Variants in DENND1A observed in about 807,000 individuals in gnomAD.
DENND1A encodes DENN domain-containing protein 1A.
DENND1A carries 51 observed loss-of-function variants against 113.7 expected under a neutral mutation model. The observed-to-expected ratio is 0.45, with a 90% CI of 0.36 to 0.57. The LOEUF (loss-of-function observed/expected upper bound fraction) is 0.57. DENND1A is among the 20% of genes least tolerant of loss of function. DENND1A has a pLI of 0.00. For missense variants in DENND1A, 1,258 were observed against 1,395.9 expected (o/e 0.90, Z 1.57); for synonymous variants, 565 against 570.8 (o/e 0.99, Z 0.14).
At chr9:123,709,408 T>C (rs2066440008) in intron 5 of DENND1A, among the ~76,000 whole-genome samples, 2 of 152,202 alleles carry the variant, frequency 1.3e-5, no homozygotes, top group Non-Finnish European at 2.9e-5. Context: ...ACACATTCTC[T>C]TGCCTCATTT....
At chr9:123,597,544 A>G (rs1431021682) in intron 11 of DENND1A, among the ~76,000 whole-genome samples, 1 of 152,160 alleles carries the variant, frequency 6.6e-6, no homozygotes, top group Non-Finnish European at 1.5e-5. Context: ...AGCACCCAAA[A>G]GGTCTGCAGA....
chr9:123,511,220 C>G (rs1484483394), intron 13 of DENND1A, among the ~76,000 whole-genome samples: 3 of 152,188 alleles, frequency 2.0e-5, no homozygotes. Flanking sequence ...GTTAAGGGCT[C>G]AGATGTCTGA....
chr9:123,444,879 G>T (rs1160584850), intron 18 of DENND1A, among the ~76,000 whole-genome samples: 2 of 152,172 alleles, frequency 1.3e-5, no homozygotes, highest in Non-Finnish European at 2.9e-5. Flanking sequence ...GGTTAAACCT[G>T]CTTCTTCCCG....
chr9:123,879,348 T>C (rs1847986145), intron 1 of DENND1A, among the ~76,000 whole-genome samples: 1 of 151,740 alleles, frequency 6.6e-6, no homozygotes, highest in South Asian at 2.1e-4. Context: ...GCCTGGGCAA[T>C]ATAGCAAAAC....
intron 19 of DENND1A, chr9:123,414,492 G>C: frequency 6.5e-7 from 1 of 1,538,444 alleles, no homozygotes. Flanking sequence ...ACCATCCTGG[G>C]AGACGCATTG....
chr9:123,825,690 G>T (rs1590242771), intron 2 of DENND1A, among the ~76,000 whole-genome samples: 1 of 152,234 alleles, frequency 6.6e-6, no homozygotes, highest in African/African-American at 2.4e-5. Context: ...ATGGTAAATT[G>T]TATCTAATTC....
In DENND1A at chr9:123,383,667, G is replaced by T. The variant is rs1049322400; in HGVS notation, c.2007C>A (p.Thr669=). ...APKDLREQPG[T]FDYQRLDLGG... The stretch of plus-strand genomic sequence containing the variant: ...GCCCATGCCATACCTGATAGTCAAA[G>T]GTCCCTGGCTGCTCCCTCAGGTCTT... Residue 669 remains threonine (T), a synonymous_variant, in exon 23 of 24, where the codon ACC becomes ACA. Transcript: ENST00000394215. 16 of 1,613,496 alleles carry T rather than the reference G, an allele frequency of 9.9e-6. No homozygotes were observed. Among genetic ancestry groups the T allele is most frequent in the Non-Finnish European group, 1.4e-5 (16 of 1,179,670 alleles).
At chr9:123,550,009 T>C (rs1421941075) in intron 13 of DENND1A, among the ~76,000 whole-genome samples, 3 of 152,222 alleles carry the variant, frequency 2.0e-5, no homozygotes, top group African/African-American at 4.8e-5. Context: ...CACAGATATA[T>C]GTGGTGTTTT....
chr9:123,882,394 C>T (rs1423298166), intron 1 of DENND1A, among the ~76,000 whole-genome samples: 2 of 151,924 alleles, frequency 1.3e-5, no homozygotes, highest in African/African-American at 4.8e-5. Context: ...TATTTTTCTC[C>T]CTCAAACCTG....
chr9:123,892,201 G>A (rs1850014401), intron 1 of DENND1A, among the ~76,000 whole-genome samples: 1 of 152,204 alleles, frequency 6.6e-6, no homozygotes, highest in Non-Finnish European at 1.5e-5. Flanking sequence ...TGCAGTAGCT[G>A]GTACTCACAC....
intron 13 of DENND1A, among the ~76,000 whole-genome samples, chr9:123,470,791 C>G (rs2049350338): frequency 6.6e-6 from 1 of 152,222 alleles, no homozygotes; most frequent in Admixed American, 6.5e-5. Flanking sequence ...CTCTGTGGCA[C>G]TGTCCACATG....
Position 123,457,454 on chromosome 9 carries a change from A to G in DENND1A, c.1099-19T>C. ...CAATAAACTATAGAAAGAAGGAACA[A>G]AAGCACAACAGCTCGTACAAAGAAA... is the stretch of plus-strand genomic sequence containing the variant. On this transcript the variant is annotated intron_variant, in intron 14 of 23. Coordinates refer to ENST00000394215, the MANE Select transcript of DENND1A (RefSeq NM_001352964.2). The G allele has an allele frequency of 6.3e-7, 1 of 1,579,680 alleles. No homozygotes were observed. Among genetic ancestry groups the G allele is most frequent in the Non-Finnish European group, 8.7e-7 (1 of 1,148,752 alleles).
intron 11 of DENND1A, among the ~76,000 whole-genome samples, chr9:123,596,898 G>A (rs1242225929): frequency 2.0e-5 from 3 of 152,082 alleles, no homozygotes; most frequent in Non-Finnish European, 2.9e-5. Context: ...TGTAAAATAG[G>A]GGCCCCACTA....
chr9:123,678,606 T>C (rs894125280), intron 5 of DENND1A, among the ~76,000 whole-genome samples: 3 of 152,158 alleles, frequency 2.0e-5, no homozygotes, highest in African/African-American at 4.8e-5. Flanking sequence ...GGGTAATAAA[T>C]GAAGTGAGAG....
intron 5 of DENND1A, among the ~76,000 whole-genome samples, chr9:123,704,063 A>G (rs1367041460): frequency 6.6e-6 from 1 of 152,122 alleles, no homozygotes; most frequent in Non-Finnish European, 1.5e-5. Flanking sequence ...ATACAATTAA[A>G]TGCCAGACTA....
chr9:123,616,336 T>C (rs2060648154), intron 10 of DENND1A, among the ~76,000 whole-genome samples: 1 of 152,244 alleles, frequency 6.6e-6, no homozygotes, highest in Non-Finnish European at 1.5e-5. Context: ...TACGCTACTC[T>C]TACTTGCTAG....
At chr9:123,466,832 T>G (rs1336947808) in intron 13 of DENND1A, among the ~76,000 whole-genome samples, 1 of 151,778 alleles carries the variant, frequency 6.6e-6, no homozygotes, top group African/African-American at 2.4e-5. Flanking sequence ...CCCAGGAGTT[T>G]GAGACCAGCC....
intron 12 of DENND1A, among the ~76,000 whole-genome samples, chr9:123,579,638 T>G (rs1291749886): frequency 6.6e-6 from 1 of 152,110 alleles, no homozygotes; most frequent in Non-Finnish European, 1.5e-5. Flanking sequence ...TTACCAAATG[T>G]TTAAGAAGCA....
chr9:123,593,355 G>A (rs1230759985), intron 11 of DENND1A, among the ~76,000 whole-genome samples: 2 of 152,128 alleles, frequency 1.3e-5, no homozygotes, highest in African/African-American at 4.8e-5. Flanking sequence ...TCTCTTCTGG[G>A]TGACGCCTAA....
Sources: gnomAD v4.1 joint callset for allele counts (sites outside exome capture counted in the v4.1 genomes callset) on GRCh38, gnomAD v4.1.1 for gene constraint, MANE v1.5 for transcripts, NCBI Gene and HGNC (gene_info 2026-07-23, HGNC 2026-07-21) for gene names.